The following GLIS1 variants were observed in gnomAD, a reference collection of about 807,000 sequenced individuals.
The protein encoded by GLIS1 is GLIS family zinc finger 1.
In GLIS1, 24 loss-of-function variants were observed where a neutral mutation model predicts 63.8. That is an observed-to-expected ratio of 0.38 (90% confidence interval 0.27 to 0.53). The LOEUF is 0.53. Ranked by LOEUF, GLIS1 falls within the 20% of genes least tolerant of loss-of-function variation. The pLI, the probability that GLIS1 is intolerant of heterozygous loss-of-function variation, is 0.85. For synonymous variants in GLIS1, 450 were observed against 482.5 expected (o/e 0.93, Z 0.88); for missense variants, 1,036 against 1,074.1 (o/e 0.96, Z 0.50).
Position 53,683,316 on chromosome 1 carries a change from T to A in GLIS1, c.259+54490A>T, listed in dbSNP as rs879172823. On this transcript the variant is annotated intron_variant, in intron 2 of 10. Transcript: ENST00000628545. ...TCCTCACACCGCGTGAATGTGATTA[T>A]AACCGCAGGCAGGCAGTCCCCAGAG... is the stretch of plus-strand genomic sequence containing the variant. Among the ~76,000 whole-genome samples the A allele has an allele frequency of 3.4e-5, 5 of 146,380 alleles. No individual in the cohort carries two copies. In the East Asian group the frequency reaches 6.2e-4, roughly 18 times the overall value.
intron 10 of GLIS1, among the ~76,000 whole-genome samples, chr1:53,508,397 C>G (rs1644259683): frequency 6.6e-6 from 1 of 152,204 alleles, no homozygotes. Flanking sequence ...CCCCAAGGGC[C>G]TCTGGGGCGG....
intron 2 of GLIS1, among the ~76,000 whole-genome samples, chr1:53,653,797 C>T (rs1297809924): frequency 1.3e-5 from 2 of 152,152 alleles, no homozygotes; most frequent in African/African-American, 4.8e-5. Context: ...AGTCACTGGC[C>T]CTCCACCATC....
chr1:53,643,938 G>C (rs1378934408), intron 2 of GLIS1, among the ~76,000 whole-genome samples: 1 of 152,200 alleles, frequency 6.6e-6, no homozygotes, highest in Non-Finnish European at 1.5e-5. Context: ...TACTCTCTCT[G>C]TAATCCAGTG....
chr1:53,590,815 G>GAT (rs1286327754), intron 4 of GLIS1, among the ~76,000 whole-genome samples: 4 of 152,112 alleles, frequency 2.6e-5, no homozygotes, highest in Non-Finnish European at 5.9e-5. Context: ...TGATGCCATT[G>GAT]ACCTTGGGGG....
chr1:53,596,946 G>T (rs72675202), intron 3 of GLIS1, among the ~76,000 whole-genome samples: 4,669 of 152,096 alleles, frequency 0.031, 121 homozygotes, highest in Non-Finnish European at 0.043. Flanking sequence ...TGATGCTGAA[G>T]AAGTGGGAAG....
intron 4 of GLIS1, among the ~76,000 whole-genome samples, chr1:53,590,020 A>G (rs1879735): frequency 0.39 from 59,673 of 151,980 alleles, 12,448 homozygotes; most frequent in East Asian, 0.58. Context: ...TCTGCCACCC[A>G]TTGACTGGCT....
chr1:53,614,701 T>G (rs1343768370), intron 2 of GLIS1, among the ~76,000 whole-genome samples: 1 of 152,192 alleles, frequency 6.6e-6, no homozygotes, highest in East Asian at 1.9e-4. Flanking sequence ...ATTCCTTTTT[T>G]GGATTAAGGG....
intron 2 of GLIS1, among the ~76,000 whole-genome samples, chr1:53,674,295 C>A (rs1646188426): frequency 6.6e-6 from 1 of 152,144 alleles, no homozygotes; most frequent in African/African-American, 2.4e-5. Context: ...AGTCCAGTGG[C>A]ATCAGCATCG....
intron 2 of GLIS1, among the ~76,000 whole-genome samples, chr1:53,617,894 G>T (rs1475428668): frequency 2.7e-5 from 4 of 150,640 alleles, no homozygotes; most frequent in African/African-American, 7.3e-5. Flanking sequence ...CAGAGTGAGT[G>T]GGGGTGAGCA....
At position 53,514,742 on chromosome 1, in the gene GLIS1, G is replaced by A. The variant is rs377317353; in HGVS notation, c.1766C>T (p.Ala589Val). 2.5e-6 allele frequency: 4 copies of A among 1,609,906 alleles called. No individual in the cohort carries two copies. Among genetic ancestry groups the A allele is most frequent in the Admixed American group, 1.7e-5 (1 of 59,646 alleles). ...PGSITPHNGL[A>V]SGLLPPAHDV... ...GTGCGCTGGGGGCAGGAGGCCCGAT[G>A]CAAGTCCGTTATGGGGGGTGATGGA... Residue 589 changes from alanine (A) to valine (V), a missense_variant, in exon 8 of 11, where the codon GCA becomes GTA. This residue lies in a region of GLIS1 where 400 missense variants were observed against 400.9 expected (regional missense o/e 1.00). Transcript: ENST00000628545.
intron 4 of GLIS1, among the ~76,000 whole-genome samples, chr1:53,568,061 C>A (rs1434428449): frequency 1.3e-5 from 2 of 152,186 alleles, no homozygotes; most frequent in South Asian, 4.1e-4. Flanking sequence ...GCACCATGTG[C>A]CTGGGAAAGC....
At chr1:53,520,183 T>C (rs1456921002) in intron 7 of GLIS1, among the ~76,000 whole-genome samples, 1 of 151,642 alleles carries the variant, frequency 6.6e-6, no homozygotes, top group Non-Finnish European at 1.5e-5. Context: ...AGGAGGTGGG[T>C]CCTGAAGGAA....
chr1:53,558,933 T>C (rs1212577454), intron 4 of GLIS1, among the ~76,000 whole-genome samples: 2 of 152,204 alleles, frequency 1.3e-5, no homozygotes, highest in Non-Finnish European at 2.9e-5. Context: ...GTGATCGTGG[T>C]GCTCTAGATG....
At chr1:53,697,787 A>G (rs1447605439) in intron 2 of GLIS1, among the ~76,000 whole-genome samples, 2 of 152,138 alleles carry the variant, frequency 1.3e-5, no homozygotes, top group Non-Finnish European at 2.9e-5. Context: ...GTGCTACTAC[A>G]CTTTTACTGA....
At chr1:53,632,172 G>A (rs1364932108) in intron 2 of GLIS1, among the ~76,000 whole-genome samples, 6 of 148,546 alleles carry the variant, frequency 4.0e-5, no homozygotes, top group Admixed American at 4.0e-4. Flanking sequence ...GTGACTGAGG[G>A]GTATGTGAAT....
intron 4 of GLIS1, among the ~76,000 whole-genome samples, chr1:53,550,388 G>A (rs1644745998): frequency 6.6e-6 from 1 of 152,224 alleles, no homozygotes; most frequent in South Asian, 2.1e-4. Flanking sequence ...GCCTCTGGGG[G>A]AGGCTTGCCC....
intron 4 of GLIS1, among the ~76,000 whole-genome samples, chr1:53,563,339 G>A (rs867268911): frequency 6.6e-6 from 1 of 152,266 alleles, no homozygotes; most frequent in Admixed American, 6.5e-5. Flanking sequence ...TGTGTAAGGA[G>A]TGAAAGGGCA....
intron 2 of GLIS1, among the ~76,000 whole-genome samples, chr1:53,616,092 T>A (rs1645479618): frequency 6.6e-6 from 1 of 152,204 alleles, no homozygotes; most frequent in African/African-American, 2.4e-5. Context: ...CAATTACTGC[T>A]TCTAAGATTC....
At chr1:53,610,712 T>C (rs896921062) in intron 2 of GLIS1, among the ~76,000 whole-genome samples, 3 of 152,186 alleles carry the variant, frequency 2.0e-5, no homozygotes, top group Non-Finnish European at 4.4e-5. Flanking sequence ...TGTCACAACG[T>C]CTTCTGTCAG....
Sources: gnomAD v4.1 joint callset for allele counts (sites outside exome capture counted in the v4.1 genomes callset) on GRCh38, gnomAD v4.1.1 for gene constraint, gnomAD v4.1.1 regional missense constraint, MANE v1.5 for transcripts, NCBI Gene and HGNC (gene_info 2026-07-23, HGNC 2026-07-21) for gene names.